RIMKLA: variants seen among roughly 807,000 people sequenced by gnomAD.
RIMKLA encodes N-acetylaspartylglutamate synthase A.
RIMKLA carries 14 observed loss-of-function variants against 32.7 expected under a neutral mutation model. That is an observed-to-expected ratio of 0.43 (90% CI 0.28 to 0.67). The LOEUF (loss-of-function observed/expected upper bound fraction) is 0.67. Ranked by LOEUF, RIMKLA falls within the 30% of genes least tolerant of loss-of-function variation. The probability of loss-of-function intolerance (pLI) is 0.18; values close to 1 mark genes in which losing one functional copy is unlikely to be tolerated. For synonymous variants in RIMKLA, 176 were observed against 204.1 expected, an observed-to-expected ratio of 0.86 and a Z score of 1.18; for missense variants, 410 against 519.0, an observed-to-expected ratio of 0.79 and a Z score of 2.04.
intron 3 of RIMKLA, among the ~76,000 whole-genome samples, chr1:42,408,346 G>GTA (rs1643166339): frequency 6.6e-6 from 1 of 152,206 alleles, no homozygotes; most frequent in Non-Finnish European, 1.5e-5. Context: ...TCTTGGGAAT[G>GTA]ATTGCATCCT....
intron 3 of RIMKLA, among the ~76,000 whole-genome samples, chr1:42,405,232 G>C (rs1221810391): frequency 6.6e-6 from 1 of 152,154 alleles, no homozygotes; most frequent in Non-Finnish European, 1.5e-5. Context: ...CTGTCTTCCA[G>C]ACAAAATTAA....
chr1:42,404,770 C>A (rs1643129562), intron 3 of RIMKLA, among the ~76,000 whole-genome samples, 173 bp downstream of exon 3: 1 of 152,180 alleles, frequency 6.6e-6, no homozygotes, highest in African/African-American at 2.4e-5. Context: ...TCATGCTCAC[C>A]TCTTCCCTGA....
intron 3 of RIMKLA, 133 bp downstream of exon 3, chr1:42,404,730 T>A: frequency 1.6e-6 from 1 of 611,932 alleles, no homozygotes; most frequent in East Asian, 2.7e-5. Context: ...TGTTTCTTTC[T>A]CTTTGTCCTC....
rs1643283489 is a variant in RIMKLA, at chr1:42,420,213, C to T, written c.*5239C>T. ...TTTTGCAGCCACTGCTGACTCCACA[C>T]TTCTGCTACCTCATTTTAAATAGCG... On this transcript the variant is annotated 3_prime_UTR_variant, in exon 5 of 5. Coordinates refer to ENST00000431473, the MANE Select transcript of RIMKLA (RefSeq NM_173642.4). 1 of 152,306 alleles carries T rather than the reference C, an allele frequency of 6.6e-6. No homozygotes were observed. The highest frequency in any genetic ancestry group is 1.5e-5 in the Non-Finnish European group (1 of 68,050). The allele number at this position is 152,306 out of a possible 1,614,324, so 9.4% of individuals were successfully genotyped here.
chr1:42,410,333 A>G, intron 4 of RIMKLA, 146 bp downstream of exon 4: 1 of 696,766 alleles, frequency 1.4e-6, no homozygotes, highest in Non-Finnish European at 2.4e-6. Context: ...CTATGGCAGC[A>G]AGCAATCCTG....
chr1:42,396,051 A>G (rs1244091138), intron 1 of RIMKLA, among the ~76,000 whole-genome samples: 1 of 152,020 alleles, frequency 6.6e-6, no homozygotes, highest in Non-Finnish European at 1.5e-5. Flanking sequence ...CCTGGCCAAC[A>G]TGATGAAACC....
chr1:42,403,487 A>G (rs1018401883), intron 2 of RIMKLA, among the ~76,000 whole-genome samples: 1 of 152,204 alleles, frequency 6.6e-6, no homozygotes, highest in African/African-American at 2.4e-5. Context: ...TATGTTTGAT[A>G]TAGTATATAT....
intron 1 of RIMKLA, among the ~76,000 whole-genome samples, chr1:42,385,915 C>CTTCT (rs535064715): frequency 6.1e-5 from 5 of 82,436 alleles, no homozygotes; most frequent in Admixed American, 4.8e-4. Context: ...TCCTTCTTTC[C>CTTCT]TTCTTTCTTT....
intron 3 of RIMKLA, among the ~76,000 whole-genome samples, chr1:42,407,638 C>G (rs757440281): frequency 6.6e-6 from 1 of 152,144 alleles, no homozygotes; most frequent in Admixed American, 6.5e-5. Context: ...TCACCATGTG[C>G]GTGAAGGTTG....
At chr1:42,394,327 A>G (rs72962300) in intron 1 of RIMKLA, among the ~76,000 whole-genome samples, 25,853 of 152,242 alleles carry the variant, frequency 0.17, 2,329 homozygotes, top group East Asian at 0.22. Flanking sequence ...AGTGAATCCA[A>G]GGATGCACAT....
chr1:42,381,826 A>G (rs533867295), intron 1 of RIMKLA, among the ~76,000 whole-genome samples: 1 of 152,116 alleles, frequency 6.6e-6, no homozygotes, highest in South Asian at 2.1e-4. Context: ...AAGGTTAATT[A>G]TTTTTTCGTA....
chr1:42,388,406 C>T (rs182105782), intron 1 of RIMKLA, among the ~76,000 whole-genome samples: 1,797 of 152,066 alleles, frequency 0.012, 22 homozygotes, highest in Non-Finnish European at 0.018. Flanking sequence ...GGTTTTGCCA[C>T]GTTGTTCAGG....
intron 1 of RIMKLA, among the ~76,000 whole-genome samples, chr1:42,382,102 G>A (rs540894187): frequency 7.2e-5 from 11 of 152,344 alleles, no homozygotes; most frequent in Non-Finnish European, 1.6e-4. Flanking sequence ...CTACTTACAA[G>A]TGAGATTTTG....
intron 4 of RIMKLA, chr1:42,412,681 G>C (rs182220921): frequency 3.0e-5 from 14 of 473,146 alleles, no homozygotes; most frequent in African/African-American, 2.6e-4. Context: ...TTTGTCATCA[G>C]TTAGAAACCA....
At position 42,417,023 on chromosome 1, in the gene RIMKLA, A is replaced by AAG. The variant is rs1557760235; in HGVS notation, c.*2051_*2052dup. 6.6e-6 allele frequency: 1 copy of AAG among 152,240 alleles called. No homozygotes were observed. Among genetic ancestry groups the AAG allele is most frequent in the Non-Finnish European group, 1.5e-5 (1 of 68,046 alleles). The allele number at this position is 152,240 out of a possible 1,614,324, so 9.4% of individuals were successfully genotyped here. On this transcript the variant is annotated 3_prime_UTR_variant, in exon 5 of 5. Coordinates refer to ENST00000431473, the MANE Select transcript of RIMKLA (RefSeq NM_173642.4). ...TCTTTACCACTCAGGGTGGCTTTAAAAGACGGACAGCTTTAGGTTTGTTCT... is the reference window on the plus strand; with the variant it reads ...TCTTTACCACTCAGGGTGGCTTTAAAAGAGACGGACAGCTTTAGGTTTGTTCT...
chr1:42,412,661 G>GT (rs1643210034), intron 4 of RIMKLA: 1 of 494,490 alleles, frequency 2.0e-6, no homozygotes, highest in South Asian at 1.5e-5. Flanking sequence ...ATTTGCCAAC[G>GT]TAACTATGCT....
chr1:42,402,353 G>A (rs937962232), intron 2 of RIMKLA, among the ~76,000 whole-genome samples: 4 of 152,134 alleles, frequency 2.6e-5, no homozygotes, highest in African/African-American at 9.7e-5. Context: ...TATCCAAGAG[G>A]GCCCAATGTT....
At chr1:42,409,882 G>A (rs1243202658) in intron 3 of RIMKLA, 102 bp from the exon 4 acceptor site, 2 of 896,480 alleles carry the variant, frequency 2.2e-6, no homozygotes, top group Non-Finnish European at 3.6e-6. Context: ...AGTGAGGCAA[G>A]TTTAGAAAGA....
In RIMKLA at chr1:42,421,862, C is replaced by T. The variant is rs1283789123; in HGVS notation, c.*6888C>T. Reference sequence around the variant, plus strand: ...AACTCATCACTTCCTAATTATTTTACTATTATCTATGTTCTTGAGGATACT... The same window carrying T: ...AACTCATCACTTCCTAATTATTTTATTATTATCTATGTTCTTGAGGATACT... On this transcript the variant is annotated 3_prime_UTR_variant, in exon 5 of 5. Transcript: ENST00000431473. This position sits in a 1 kb window ranked among gnomAD's most constrained non-coding sequence, Gnocchi z 4.6. 1 of 152,144 alleles carries T rather than the reference C, an allele frequency of 6.6e-6. No homozygotes were observed. The highest frequency in any genetic ancestry group is 2.4e-5 in the African/African-American group (1 of 41,448). 9.4% of individuals were successfully genotyped at this position (152,144 alleles called of 1,614,324 possible). A position where few individuals can be genotyped will look rare whatever the true frequency, so the allele number is the denominator to read the frequency against.
Sources: gnomAD v4.1 joint callset for allele counts (sites outside exome capture counted in the v4.1 genomes callset) on GRCh38, gnomAD v4.1.1 for gene constraint, Gnocchi (gnomAD v3.1) non-coding constraint, MANE v1.5 for transcripts, NCBI Gene and HGNC (gene_info 2026-07-23, HGNC 2026-07-21) for gene names.